Variants in PLCH1 observed in about 807,000 individuals in gnomAD.
The protein encoded by PLCH1 is phospholipase C eta 1.
A neutral mutation model predicts 126.7 loss-of-function variants in PLCH1; 60 were observed. The ratio of observed to expected loss-of-function variants is 0.47; its 90% CI spans 0.38 to 0.59. The LOEUF is 0.59. Among genes scored for constraint, PLCH1 ranks in the 20% least tolerant of loss-of-function variants. The pLI, the probability that PLCH1 is intolerant of heterozygous loss-of-function variation, is 0.00. For synonymous variants in PLCH1, 719 were observed against 734.9 expected (o/e 0.98, Z 0.35); for missense variants, 1,723 against 2,040.0 (o/e 0.84, Z 2.99).
intron 2 of PLCH1, among the ~76,000 whole-genome samples, chr3:155,597,293 T>C (rs2108658456): frequency 6.6e-6 from 1 of 152,324 alleles, no homozygotes; most frequent in East Asian, 1.9e-4. Flanking sequence ...AAAACAGAAC[T>C]GAACCATTCA....
intron 1 of PLCH1, among the ~76,000 whole-genome samples, 185 bp downstream of exon 1, chr3:155,744,655 G>A (rs1269153260): frequency 6.6e-6 from 1 of 152,140 alleles, no homozygotes; most frequent in African/African-American, 2.4e-5. Context: ...CCAGTTCCCC[G>A]CACGGGGCCT....
Position 155,544,395 on chromosome 3 carries a change from G to C in PLCH1, c.1362+5392C>G, listed in dbSNP as rs191636648. Among the ~76,000 whole-genome samples the C allele has an allele frequency of 1.6e-4, 25 of 152,222 alleles. No homozygotes were observed. The East Asian group carries it at 2.9e-3, about 18-fold the overall frequency. On this transcript the variant is annotated intron_variant, in intron 10 of 22. Coordinates refer to ENST00000460012, the MANE Select transcript of PLCH1 (RefSeq NM_014996.4). Reference sequence around the variant, plus strand: ...CACCCAGATTCATAAAGCAAGTCCTGAGTGACCTACAAAGAGACTTAGACT... The same window carrying C: ...CACCCAGATTCATAAAGCAAGTCCTCAGTGACCTACAAAGAGACTTAGACT...
At position 155,483,068 on chromosome 3, in the gene PLCH1, A is replaced by G. The variant is rs1714441366; in HGVS notation, c.2975-17T>C. On this transcript the variant is annotated splice_polypyrimidine_tract_variant and intron_variant, in intron 22 of 22. Transcript: ENST00000460012. ...TATCTTCTGCTGAAGGAGACAAACA[A>G]TATTTTAGGTGACATCTATCACTTT... 3.1e-6 allele frequency: 5 copies of G among 1,604,286 alleles called. No individual in the cohort carries two copies. The highest frequency in any genetic ancestry group is 4.3e-6 in the Non-Finnish European group (5 of 1,174,724).
At chr3:155,611,076 G>C (rs1445155920) in intron 2 of PLCH1, among the ~76,000 whole-genome samples, 1 of 152,150 alleles carries the variant, frequency 6.6e-6, no homozygotes, top group Admixed American at 6.6e-5. Context: ...TCTTATATCA[G>C]ACAAAACAAA....
intron 4 of PLCH1, among the ~76,000 whole-genome samples, chr3:155,586,628 AC>A (rs1383112650): frequency 6.7e-6 from 1 of 150,236 alleles, no homozygotes; most frequent in East Asian, 2.0e-4. Flanking sequence ...AACTGCTTGA[AC>A]CCGGGAGGTG....
chr3:155,638,111 A>G (rs1738950757), intron 2 of PLCH1, among the ~76,000 whole-genome samples: 2 of 152,140 alleles, frequency 1.3e-5, no homozygotes, highest in Admixed American at 6.5e-5. Context: ...TTATTTCACA[A>G]TGGTTATCAT....
intron 2 of PLCH1, among the ~76,000 whole-genome samples, chr3:155,654,941 A>T (rs919521108): frequency 6.6e-6 from 1 of 152,116 alleles, no homozygotes; most frequent in African/African-American, 2.4e-5. Context: ...TCTTTGTATC[A>T]TCGACTTTGC....
At chr3:155,485,738 G>C in intron 21 of PLCH1, 28 bp from the exon 22 acceptor site, 1 of 1,427,404 alleles carries the variant, frequency 7.0e-7, no homozygotes, top group East Asian at 2.3e-5. Flanking sequence ...CCAACCACAA[G>C]TTAAGCAAAT....
chr3:155,580,939 T>G (rs1730583530), intron 6 of PLCH1, among the ~76,000 whole-genome samples: 1 of 152,176 alleles, frequency 6.6e-6, no homozygotes, highest in South Asian at 2.1e-4. Context: ...CTACAAAAAC[T>G]TAGCACAATA....
At chr3:155,544,154 G>GAC (rs1724834315) in intron 10 of PLCH1, among the ~76,000 whole-genome samples, 4 of 152,080 alleles carry the variant, frequency 2.6e-5, no homozygotes. Flanking sequence ...CTCACGTGCA[G>GAC]ACACACACAT....
At chr3:155,476,013 G>T (rs1394015617), downstream of PLCH1, among the ~76,000 whole-genome samples, 3 of 151,928 alleles carry the variant, frequency 2.0e-5, no homozygotes, top group Admixed American at 2.0e-4. Context: ...CACAAAAAAA[G>T]AAAATGACAG....
chr3:155,676,184 C>G, intron 2 of PLCH1: 6 of 1,324,180 alleles, frequency 4.5e-6, no homozygotes, highest in Non-Finnish European at 5.8e-6. Context: ...TTGGCTCATG[C>G]TGCCCTTTAT....
chr3:155,539,468 GC>G (rs1723920603), intron 10 of PLCH1, among the ~76,000 whole-genome samples: 1 of 152,062 alleles, frequency 6.6e-6, no homozygotes, highest in African/African-American at 2.4e-5. Context: ...TCAAATTGTT[GC>G]TGTTCGCTGA....
chr3:155,586,004 C>T, intron 5 of PLCH1, 61 bp downstream of exon 5: 1 of 1,436,736 alleles, frequency 7.0e-7, no homozygotes, highest in East Asian at 2.3e-5. Context: ...TTTAATATAC[C>T]TAAGTATGTT....
At chr3:155,559,349 T>C (rs1295960391) in intron 8 of PLCH1, among the ~76,000 whole-genome samples, 1 of 152,106 alleles carries the variant, frequency 6.6e-6, no homozygotes. Context: ...CTAAAGTTGC[T>C]AAAATCATAG....
chr3:155,699,227 T>C (rs447359), intron 2 of PLCH1, among the ~76,000 whole-genome samples: 60,441 of 151,582 alleles, frequency 0.4, 12,797 homozygotes, highest in African/African-American at 0.53. Context: ...AGGCATCCAC[T>C]CCCACACCCA....
intron 1 of PLCH1, among the ~76,000 whole-genome samples, chr3:155,735,264 G>C (rs1749088139): frequency 2.0e-5 from 3 of 152,188 alleles, no homozygotes. Flanking sequence ...ATTTTGGTTA[G>C]ATAGGGGGAA....
chr3:155,741,684 C>CTTGTTTTTT (rs1749631363), intron 1 of PLCH1, among the ~76,000 whole-genome samples: 1 of 102,868 alleles, frequency 9.7e-6, no homozygotes, highest in Admixed American at 1.2e-4. Flanking sequence ...TTTATATCCT[C>CTTGTTTTTT]TTTTTTTTTT....
Position 155,482,613 on chromosome 3 carries a change from C to T in PLCH1, c.3413G>A (p.Arg1138Gln), listed in dbSNP as rs959999346. Residue 1138 changes from arginine to glutamine, a missense_variant, in exon 23 of 23, where the codon CGA becomes CAA. Arg to Gln is a conservative substitution (Grantham distance 43, BLOSUM62 1). Transcript: ENST00000460012. ...TGACAAAGAAAAGGATGTTGCAGCTCGGCCCTTACCCCTATTACCTTCCAG... is the reference window on the plus strand; with the variant it reads ...TGACAAAGAAAAGGATGTTGCAGCTTGGCCCTTACCCCTATTACCTTCCAG... ...KNLEGNRGKG[R>Q]AATSFSLSDV... The T allele has an allele frequency of 5.6e-6, 9 of 1,614,040 alleles. No homozygotes were observed. The highest frequency in any genetic ancestry group is 2.7e-5 in the African/African-American group (2 of 74,920).
Sources: gnomAD v4.1 joint callset for allele counts (sites outside exome capture counted in the v4.1 genomes callset) on GRCh38, gnomAD v4.1.1 for gene constraint, MANE v1.5 for transcripts, NCBI Gene and HGNC (gene_info 2026-07-23, HGNC 2026-07-21) for gene names.